ATP1A2: variants seen among roughly 807,000 people sequenced by gnomAD.
ATP1A2 encodes the protein ATPase Na+/K+ transporting subunit alpha 2.
Under a neutral mutation model 113.1 loss-of-function variants are expected in ATP1A2, and 56 were observed. The ratio of observed to expected loss-of-function variants is 0.49; its 90% confidence interval spans 0.40 to 0.62. ATP1A2 has a LOEUF of 0.62. Ranked by LOEUF, ATP1A2 falls within the 20% of genes least tolerant of loss-of-function variation. The probability of loss-of-function intolerance (pLI) is 0.00; values close to 1 mark genes in which losing one functional copy is unlikely to be tolerated. For synonymous variants in ATP1A2, 490 were observed against 526.8 expected (o/e 0.93, Z 0.96); for missense variants, 712 against 1,357.8 (o/e 0.52, Z 7.47).
Position 160,140,846 on chromosome 1 carries a change from C to CCTT in ATP1A2, c.3035-448_3035-447insCTT, listed in dbSNP as rs1652123649. The CCTT allele has an allele frequency of 4.8e-4, 42 of 87,090 alleles. 3 individuals carry two copies. The highest frequency in any genetic ancestry group is 2.0e-3 in the African/African-American group (36 of 18,104). 5.4% of individuals were successfully genotyped at this position (87,090 alleles called of 1,614,324 possible). On this transcript the variant is annotated intron_variant, in intron 22 of 22. Coordinates refer to ENST00000361216, the MANE Select transcript of ATP1A2 (RefSeq NM_000702.4). ...ACCTCCTTCTCCTCCCTTTCACCTT[C>CCTT]TTTTTTTTTTTTTTTTTTTTTTTTT...
At position 160,129,285 on chromosome 1, in the gene ATP1A2, CCT is replaced by C. The variant is rs1270036453; in HGVS notation, c.1349_1350del (p.Ser450Ter). ...TGGCAGCGGGACACAGCTGGTGATGCCTCTGAGTCAGCTCTGCTCAAGTGCAT... is the reference window on the plus strand; with the variant it reads ...TGGCAGCGGGACACAGCTGGTGATGCCTGAGTCAGCTCTGCTCAAGTGCAT... On this transcript the variant is annotated frameshift_variant, in exon 11 of 23. Coordinates refer to ENST00000361216, the MANE Select transcript of ATP1A2 (RefSeq NM_000702.4). LOFTEE classifies it high-confidence loss of function. The C allele has an allele frequency of 6.2e-7, 1 of 1,614,188 alleles. No individual in the cohort carries two copies. The highest frequency in any genetic ancestry group is 1.1e-5 in the South Asian group (1 of 91,078).
chr1:160,130,630 C>T (rs1282136632), intron 13 of ATP1A2, 33 bp downstream of exon 13: 1 of 1,613,732 alleles, frequency 6.2e-7, no homozygotes, highest in South Asian at 1.1e-5. Context: ...TCCATTCTAG[C>T]CTCCCCCATG....
chr1:160,129,782 T>C (rs776626259), intron 11 of ATP1A2, among the ~76,000 whole-genome samples: 1 of 152,108 alleles, frequency 6.6e-6, no homozygotes, highest in Non-Finnish European at 1.5e-5. Context: ...TTATTATCCA[T>C]AGAGGTAAAG....
chr1:160,119,506 A>G (rs1287064534), intron 1 of ATP1A2, among the ~76,000 whole-genome samples: 1 of 152,126 alleles, frequency 6.6e-6, no homozygotes, highest in Non-Finnish European at 1.5e-5. Context: ...AAGAGGAAGT[A>G]AGAAGGTACC....
chr1:160,134,341 G>T (rs954640136), intron 13 of ATP1A2, 143 bp from the exon 14 acceptor site: 6 of 1,152,670 alleles, frequency 5.2e-6, no homozygotes, highest in Non-Finnish European at 7.5e-6. Flanking sequence ...GCCCACAGAC[G>T]CACACACACA....
At chr1:160,139,611 A>C (rs1471759402) in intron 20 of ATP1A2, 29 bp from the exon 21 acceptor site, 1 of 1,602,908 alleles carries the variant, frequency 6.2e-7, no homozygotes, top group Admixed American at 1.7e-5. Context: ...ATCCCCCTTC[A>C]CCTGCCACCT....
intron 1 of ATP1A2, among the ~76,000 whole-genome samples, chr1:160,120,413 C>T (rs1309936956): frequency 6.6e-6 from 1 of 152,090 alleles, no homozygotes; most frequent in Non-Finnish European, 1.5e-5. Flanking sequence ...AAGACTCTTG[C>T]TCCCCCAAGT....
intron 1 of ATP1A2, among the ~76,000 whole-genome samples, chr1:160,119,736 G>A (rs1462822594): frequency 3.3e-5 from 5 of 151,778 alleles, no homozygotes; most frequent in African/African-American, 9.7e-5. Flanking sequence ...ATCTGCTCAG[G>A]CGCAGTGGCT....
At position 160,130,005 on chromosome 1, in the gene ATP1A2, G is replaced by T. The variant is rs1049377710; in HGVS notation, c.1462-97G>T. ...TGTTGACAATCTTTGATGGGTTGGG[G>T]CTACTTTTCTAAGGTGGTTTCCTTA... On this transcript the variant is annotated intron_variant, in intron 11 of 22. Transcript: ENST00000361216. The T allele has an allele frequency of 7.5e-6, 11 of 1,465,838 alleles. No homozygotes were observed. The African/African-American group carries it at 1.1e-4, about 15-fold the overall frequency. 90.8% of individuals were successfully genotyped at this position (1,465,838 alleles called of 1,614,324 possible). A position where few individuals can be genotyped will look rare whatever the true frequency, so the allele number is the denominator to read the frequency against.
At chr1:160,138,787 G>A (rs771993528) in intron 20 of ATP1A2, among the ~76,000 whole-genome samples, 1 of 152,066 alleles carries the variant, frequency 6.6e-6, no homozygotes, top group Non-Finnish European at 1.5e-5. Context: ...GTTACAGTGA[G>A]CTGTGATCGT....
At position 160,127,588 on chromosome 1, in the gene ATP1A2, G is replaced by A. The variant is rs769129830; in HGVS notation, c.785G>A (p.Arg262Gln). 1.1e-5 allele frequency: 17 copies of A among 1,614,144 alleles called. No individual in the cohort carries two copies. Among genetic ancestry groups the A allele is most frequent in the South Asian group, 4.4e-5 (4 of 91,092 alleles). ...ARGIVIATGD[R>Q]TVMGRIATLA... ...GGCATTGTGATTGCCACAGGAGACCGGACGGTGATGGGCCGCATAGCTACT... is the reference window on the plus strand; with the variant it reads ...GGCATTGTGATTGCCACAGGAGACCAGACGGTGATGGGCCGCATAGCTACT... The change falls in exon 8 of 23, where the codon CGG becomes CAG. Residue 262 changes from arginine (R) to glutamine (Q), a missense_variant. By Grantham distance (43) the Arg-to-Gln change is conservative. Transcript: ENST00000361216.
intron 4 of ATP1A2, 123 bp from the exon 5 acceptor site, chr1:160,123,820 C>T: frequency 1.1e-6 from 1 of 880,678 alleles, no homozygotes; most frequent in Non-Finnish European, 1.9e-6. Context: ...CATCATCACT[C>T]TCAGTCACAG....
chr1:160,131,696 T>A (rs1651780129), intron 13 of ATP1A2, among the ~76,000 whole-genome samples: 1 of 151,938 alleles, frequency 6.6e-6, no homozygotes, highest in South Asian at 2.1e-4. Flanking sequence ...CCACGTGTAG[T>A]GGCAGGTGCC....
intron 11 of ATP1A2, among the ~76,000 whole-genome samples, chr1:160,129,657 C>T (rs1207710201): frequency 6.6e-6 from 1 of 152,212 alleles, no homozygotes; most frequent in Non-Finnish European, 1.5e-5. Flanking sequence ...ATCCTCTGGC[C>T]TAGCCTTCCA....
intron 13 of ATP1A2, among the ~76,000 whole-genome samples, chr1:160,131,172 T>A (rs772892365): frequency 1.2e-4 from 18 of 152,226 alleles, no homozygotes; most frequent in Non-Finnish European, 1.6e-4. Context: ...CAGTGCCTGA[T>A]ACATAGTAAA....
intron 11 of ATP1A2, among the ~76,000 whole-genome samples, chr1:160,129,607 C>T (rs979316900): frequency 6.6e-6 from 1 of 152,138 alleles, no homozygotes; most frequent in African/African-American, 2.4e-5. Context: ...TCCCTTACTA[C>T]AATCTGTCAC....
chr1:160,134,187 TCACA>T (rs1274876002), intron 13 of ATP1A2, among the ~76,000 whole-genome samples: 1 of 72,560 alleles, frequency 1.4e-5, no homozygotes, highest in Non-Finnish European at 2.7e-5. Context: ...ACATTCCCTC[TCACA>T]CACACACACA....
At chr1:160,129,851 C>T (rs1432568780) in intron 11 of ATP1A2, among the ~76,000 whole-genome samples, 1 of 152,196 alleles carries the variant, frequency 6.6e-6, no homozygotes, top group Non-Finnish European at 1.5e-5. Flanking sequence ...GCCCCTAGCA[C>T]AGTGCCTGTC....
intron 3 of ATP1A2, among the ~76,000 whole-genome samples, chr1:160,122,863 T>C (rs1249935440): frequency 6.6e-6 from 1 of 152,078 alleles, no homozygotes; most frequent in African/African-American, 2.4e-5. Flanking sequence ...CTTGATAAAA[T>C]AATCTGAAGG....
Sources: gnomAD v4.1 joint callset for allele counts (sites outside exome capture counted in the v4.1 genomes callset) on GRCh38, gnomAD v4.1.1 for gene constraint, MANE v1.5 for transcripts, NCBI Gene and HGNC (gene_info 2026-07-23, HGNC 2026-07-21) for gene names.